Variants in MGAT5 observed in about 807,000 individuals in gnomAD.
The protein encoded by MGAT5 is alpha-1,6-mannosylglycoprotein 6-beta-N-acetylglucosaminyltransferase.
A neutral mutation model predicts 94.3 loss-of-function variants in MGAT5; 30 were observed. The observed-to-expected ratio is 0.32, with a 90% confidence interval of 0.24 to 0.43. The LOEUF is 0.43. Ranked by LOEUF, MGAT5 falls within the 20% of genes least tolerant of loss-of-function variation. The pLI is 1.00. For synonymous variants in MGAT5, 310 were observed against 322.9 expected, an observed-to-expected ratio of 0.96 and a Z score of 0.43; for missense variants, 691 against 905.5, an observed-to-expected ratio of 0.76 and a Z score of 3.04.
intron 5 of MGAT5, 38 bp from the exon 6 acceptor site, chr2:134,338,221 T>C (rs759151180): frequency 6.6e-7 from 1 of 1,523,580 alleles, no homozygotes; most frequent in African/African-American, 1.4e-5. Context: ...TTTCTGACTT[T>C]TTATCTTCTA....
At chr2:134,313,091 CATAT>C (rs1459458670) in intron 2 of MGAT5, among the ~76,000 whole-genome samples, 1 of 112,504 alleles carries the variant, frequency 8.9e-6, no homozygotes, top group Non-Finnish European at 1.8e-5. Flanking sequence ...CACACACACA[CATAT>C]CTGTCTGGTT....
intron 1 of MGAT5, among the ~76,000 whole-genome samples, chr2:134,159,094 C>G (rs1687610619): frequency 6.6e-6 from 1 of 151,670 alleles, no homozygotes; most frequent in Non-Finnish European, 1.5e-5. Context: ...TTAAGTTTAC[C>G]TGTTTCTATT....
At chr2:134,188,282 C>G (rs964373613) in intron 1 of MGAT5, among the ~76,000 whole-genome samples, 1 of 152,246 alleles carries the variant, frequency 6.6e-6, no homozygotes, top group African/African-American at 2.4e-5. Context: ...CAAGGGTAGG[C>G]AGCCATAAGG....
At position 134,127,672 on chromosome 2, in the gene MGAT5, C is replaced by T. The variant is rs115883310; in HGVS notation, c.-143+7381C>T. ...CATGGCATCGTGAGTGAACTCCGAC[C>T]GTGGCAGGTGAGGCTTCTGCACTTA... On this transcript the variant is annotated intron_variant, in intron 1 of 16. Transcript: ENST00000409645. Among the ~76,000 whole-genome samples, 548 of 152,098 alleles carry T rather than the reference C, an allele frequency of 3.6e-3. 6 individuals are homozygous for T. The highest frequency in any genetic ancestry group is 0.013 in the African/African-American group (531 of 41,502).
At position 134,281,216 on chromosome 2, in the gene MGAT5, C is replaced by T. The variant is rs370435236; in HGVS notation, c.406+10666C>T. 2.5e-4 allele frequency among the ~76,000 whole-genome samples: 38 copies of T among 152,354 alleles called. No individual in the cohort carries two copies. The South Asian group carries it at 7.2e-3, about 29-fold the overall frequency. On this transcript the variant is annotated intron_variant, in intron 2 of 15. Coordinates refer to ENST00000281923, the MANE Select transcript of MGAT5 (RefSeq NM_002410.5). ...TATTGAGATCCTGGTCCAACATCTT[C>T]CTGTGACCTACCTACTGACCTTGCC...
At position 134,423,610 on chromosome 2, in the gene MGAT5, G is replaced by T. The variant is rs545720611; in HGVS notation, c.1794+691G>T. 7.9e-5 allele frequency among the ~76,000 whole-genome samples: 12 copies of T among 152,302 alleles called. No individual in the cohort carries two copies. In the South Asian group the frequency reaches 2.5e-3, roughly 32 times the overall value. ...ACTCTGCTGCTGTACTTTGGTGGGA[G>T]CACTTTTTACACTTAGTTGCGATGC... On this transcript the variant is annotated intron_variant, in intron 13 of 15. Coordinates refer to ENST00000281923, the MANE Select transcript of MGAT5 (RefSeq NM_002410.5).
At chr2:134,186,128 A>G (rs964137195) in intron 1 of MGAT5, among the ~76,000 whole-genome samples, 1 of 152,264 alleles carries the variant, frequency 6.6e-6, no homozygotes, top group Non-Finnish European at 1.5e-5. Flanking sequence ...CAGAAGACAG[A>G]TTCCTCAATC....
chr2:134,146,926 T>G (rs1230157237), intron 1 of MGAT5, among the ~76,000 whole-genome samples: 1 of 152,208 alleles, frequency 6.6e-6, no homozygotes, highest in African/African-American at 2.4e-5. Context: ...TGAAGAAAAG[T>G]AGGTCTTTGA....
chr2:134,440,590 C>T (rs1391158920), intron 14 of MGAT5, among the ~76,000 whole-genome samples: 1 of 152,254 alleles, frequency 6.6e-6, no homozygotes, highest in African/African-American at 2.4e-5. Context: ...CCGCCCTCAA[C>T]ACTGAGCTGG....
At chr2:134,169,644 G>T (rs1012279573) in intron 1 of MGAT5, among the ~76,000 whole-genome samples, 1 of 152,184 alleles carries the variant, frequency 6.6e-6, no homozygotes. Flanking sequence ...TCAGGAAGGA[G>T]AAAGGACTTC....
At chr2:134,313,089 C>CACAT (rs772559096) in intron 2 of MGAT5, among the ~76,000 whole-genome samples, 36 of 104,286 alleles carry the variant, frequency 3.5e-4, no homozygotes, top group African/African-American at 1.2e-3. Flanking sequence ...CACACACACA[C>CACAT]ACATATCTGT....
At chr2:134,386,665 G>A (rs1044442802) in intron 10 of MGAT5, among the ~76,000 whole-genome samples, 87 of 152,316 alleles carry the variant, frequency 5.7e-4, no homozygotes, top group African/African-American at 2.0e-3. Flanking sequence ...TTTCTCTGCT[G>A]AGGCAGCCCC....
Position 134,227,574 on chromosome 2 carries a change from G to A in MGAT5, c.-142-26688G>A, listed in dbSNP as rs1428175068. On this transcript the variant is annotated intron_variant, in intron 1 of 16. Transcript: ENST00000409645. ...CCTCTCAAACCTCTTTGTTAGTATGGGTATAGGCTGTATTCTGGAAAAGGT... is the reference window on the plus strand; with the variant it reads ...CCTCTCAAACCTCTTTGTTAGTATGAGTATAGGCTGTATTCTGGAAAAGGT... 3.9e-5 allele frequency among the ~76,000 whole-genome samples: 6 copies of A among 152,268 alleles called. No homozygotes were observed. In the East Asian group the frequency reaches 1.2e-3, roughly 29 times the overall value.
intron 1 of MGAT5, among the ~76,000 whole-genome samples, chr2:134,131,544 A>C (rs1387485475): frequency 3.4e-5 from 5 of 149,232 alleles, no homozygotes; most frequent in Admixed American, 2.0e-4. Context: ...ATGATGATAC[A>C]CGATAAATAT....
chr2:134,422,255 T>G (rs1684344848), intron 12 of MGAT5, among the ~76,000 whole-genome samples: 1 of 152,220 alleles, frequency 6.6e-6, no homozygotes, highest in South Asian at 2.1e-4. Flanking sequence ...AAACCCCCTT[T>G]AGGACAAAAA....
At chr2:134,177,144 C>CGTGTGTGTGTGTGTTGTGTGTGTGTGT (rs1688506181) in intron 1 of MGAT5, among the ~76,000 whole-genome samples, 1 of 142,530 alleles carries the variant, frequency 7.0e-6, no homozygotes, top group Non-Finnish European at 1.5e-5. Context: ...CAAATGAACC[C>CGTGTGTGTGTGTGTTGTGTGTGTGTGT]GTGTGTGTGT....
rs776417935 is a variant in MGAT5 at position 134,139,582 on chromosome 2, G to A, written c.-143+19291G>A. ...GCTCAGACATGAAGACAGATGAAGC[G>A]CAGGGTTCTTATAAATGATATTACA... is the stretch of plus-strand genomic sequence containing the variant. On this transcript the variant is annotated intron_variant, in intron 1 of 16. Transcript: ENST00000409645. Among the ~76,000 whole-genome samples the A allele has an allele frequency of 9.2e-5, 14 of 152,220 alleles. 1 individual carries two copies. Among genetic ancestry groups the A allele is most frequent in the Middle Eastern group, 6.8e-3 (2 of 294 alleles).
At chr2:134,226,682 T>C (rs1368155376) in intron 1 of MGAT5, among the ~76,000 whole-genome samples, 3 of 152,154 alleles carry the variant, frequency 2.0e-5, no homozygotes, top group African/African-American at 7.2e-5. Context: ...CATGCAGTCA[T>C]TTACTTGATT....
intron 1 of MGAT5, among the ~76,000 whole-genome samples, chr2:134,218,953 A>G (rs1680623863): frequency 6.6e-6 from 1 of 152,188 alleles, no homozygotes; most frequent in South Asian, 2.1e-4. Context: ...AAGGCTGTGT[A>G]TCATTTACTG....
Sources: gnomAD v4.1 joint callset for allele counts (sites outside exome capture counted in the v4.1 genomes callset) on GRCh38, gnomAD v4.1.1 for gene constraint, MANE v1.5 for transcripts, NCBI Gene and HGNC (gene_info 2026-07-23, HGNC 2026-07-21) for gene names.